Variants in ARAP2 observed in about 807,000 individuals in gnomAD.
ARAP2 encodes ArfGAP with RhoGAP domain, ankyrin repeat and PH domain 2, also known as arf-GAP with Rho-GAP domain, ANK repeat and PH domain-containing protein 2.
In ARAP2, 148 loss-of-function variants were observed where a neutral mutation model predicts 194.5. That is an observed-to-expected ratio of 0.76 (90% CI 0.67 to 0.87). The LOEUF (loss-of-function observed/expected upper bound fraction) is 0.87, where lower values mean the gene tolerates loss of function less well. Among genes scored for constraint, ARAP2 ranks in the 40% least tolerant of loss-of-function variants. The pLI, the probability that ARAP2 is intolerant of heterozygous loss-of-function variation, is 0.00. For synonymous variants in ARAP2, 695 were observed against 683.5 expected, an observed-to-expected ratio of 1.02 and a Z score of -0.26; for missense variants, 2,128 against 1,989.7, an observed-to-expected ratio of 1.07 and a Z score of -1.32.
intron 15 of ARAP2, among the ~76,000 whole-genome samples, chr4:36,151,764 A>C (rs975729428): frequency 1.3e-5 from 2 of 152,156 alleles, no homozygotes; most frequent in Non-Finnish European, 2.9e-5. Flanking sequence ...AAAGTGTGAG[A>C]TAAATATATA....
intron 2 of ARAP2, among the ~76,000 whole-genome samples, chr4:36,226,136 T>C (rs1278246472): frequency 6.6e-6 from 1 of 151,280 alleles, no homozygotes; most frequent in Non-Finnish European, 1.5e-5. Flanking sequence ...GGATAAGTAA[T>C]CTGGCCTAAA....
In ARAP2 at chr4:36,187,454, CT is replaced by C. The variant is rs1740829119; in HGVS notation, c.1674del (p.Glu559LysfsTer12). On this transcript the variant is annotated frameshift_variant, in exon 8 of 33. Transcript: ENST00000303965. LOFTEE classifies it high-confidence loss of function. ...TQRTFVFRVE[K>X]EEERNDWISI... Reference sequence around the variant, plus strand: ...ATGGATAAATAAATAATCTCACCTTCTTTTTCTACTCTAAAAACAAAAGTTC... The same window carrying C: ...ATGGATAAATAAATAATCTCACCTTCTTTTCTACTCTAAAAACAAAAGTTC... 1.4e-6 allele frequency: 2 copies of C among 1,405,228 alleles called. No individual in the cohort carries two copies. The highest frequency in any genetic ancestry group is 2.4e-5 in the East Asian group (1 of 41,458). 87.0% of individuals were successfully genotyped at this position (1,405,228 alleles called of 1,614,324 possible).
At position 36,228,675 on chromosome 4, in the gene ARAP2, C is replaced by T. The variant is rs149905804; in HGVS notation, c.812G>A (p.Arg271His). 17 of 1,613,996 alleles carry T rather than the reference C, an allele frequency of 1.1e-5. No homozygotes were observed. Among genetic ancestry groups the T allele is most frequent in the African/African-American group, 4.0e-5 (3 of 75,022 alleles). The change falls in exon 2 of 33, where the codon CGT becomes CAT. Residue 271 changes from arginine (R) to histidine (H), a missense_variant. Transcript: ENST00000303965. ...SSPILAPVRS[R>H]SKLVSRPSRS... Reference sequence around the variant, plus strand: ...AGATGGTCTTGAAACCAACTTGCTACGACTTCTCACAGGTGCTAGGATTGG... The same window carrying T: ...AGATGGTCTTGAAACCAACTTGCTATGACTTCTCACAGGTGCTAGGATTGG...
At chr4:36,206,021 A>G (rs1745458892) in intron 6 of ARAP2, among the ~76,000 whole-genome samples, 2 of 152,226 alleles carry the variant, frequency 1.3e-5, no homozygotes, top group Admixed American at 1.3e-4. Flanking sequence ...TGACTGACAT[A>G]TAACACCCTA....
rs1361625288 is a variant in ARAP2 at position 36,068,254 on chromosome 4, G to C, written c.4768C>G (p.Leu1590Val). 2 of 1,566,580 alleles carry C rather than the reference G, an allele frequency of 1.3e-6. No homozygotes were observed. The highest frequency in any genetic ancestry group is 1.7e-6 in the Non-Finnish European group (2 of 1,158,614). The change falls in exon 33 of 33, where the codon CTG becomes GTG. Residue 1590 changes from leucine (L) to valine (V), a missense_variant. Physicochemically the swap from Leu to Val is conservative, Grantham distance 32. Transcript: ENST00000303965. ...TTATCACACTTTTCACTGAGCCGCA[G>C]CCTTTCAAGTTCTGCTCTTGCACTC... Reference protein sequence around the residue: ...IESARAELERLRLSEKCDKES... With the variant: ...IESARAELERVRLSEKCDKES...
intron 9 of ARAP2, among the ~76,000 whole-genome samples, chr4:36,010,316 A>C (rs1318753381): frequency 2.6e-5 from 4 of 152,028 alleles, no homozygotes. Context: ...AAATCATTGA[A>C]AAGAAATAAA....
At chr4:36,177,605 A>G (rs1391368363) in intron 9 of ARAP2, among the ~76,000 whole-genome samples, 1 of 152,122 alleles carries the variant, frequency 6.6e-6, no homozygotes, top group Non-Finnish European at 1.5e-5. Context: ...CCTCAATACC[A>G]CAAAAGGTGA....
intron 31 of ARAP2, among the ~76,000 whole-genome samples, chr4:36,074,888 T>C (rs566077909): frequency 1.3e-5 from 2 of 152,254 alleles, no homozygotes; most frequent in African/African-American, 4.8e-5. Context: ...AAGCTGTATG[T>C]TTATCAATGT....
intron 4 of ARAP2, among the ~76,000 whole-genome samples, chr4:36,046,503 G>C (rs1344678133): frequency 2.5e-4 from 38 of 152,052 alleles, no homozygotes; most frequent in Non-Finnish European, 4.4e-5. Context: ...GGTGCAGTGA[G>C]CCACTGCACC....
chr4:36,060,957 A>AT, intron 1 of ARAP2, among the ~76,000 whole-genome samples: 1 of 152,154 alleles, frequency 6.6e-6, no homozygotes, highest in East Asian at 1.9e-4. Context: ...TCAACATATG[A>AT]TTTTTGGGAG....
chr4:36,235,986 G>T (rs556993359), intron 1 of ARAP2, among the ~76,000 whole-genome samples: 30 of 152,060 alleles, frequency 2.0e-4, no homozygotes, highest in Non-Finnish European at 3.5e-4. Flanking sequence ...AGAACAGCCT[G>T]GGTGACATGG....
chr4:36,038,471 C>G (rs1426960512), intron 5 of ARAP2, among the ~76,000 whole-genome samples: 2 of 152,122 alleles, frequency 1.3e-5, no homozygotes, highest in African/African-American at 4.8e-5. Context: ...TCAAAAGACC[C>G]TGACAATATG....
Position 36,068,176 on chromosome 4 carries a change from G to C in ARAP2, c.4846C>G (p.Leu1616Val), listed in dbSNP as rs995847120. Reference protein sequence around the residue: ...KERASMVAHCLEHKDDKLRNR... With the variant: ...KERASMVAHCVEHKDDKLRNR... ...CGAAGTTTATCGTCCTTGTGCTCCAGGCAGTGGGCCACCATGGAAGCTCTC... is the reference window on the plus strand; with the variant it reads ...CGAAGTTTATCGTCCTTGTGCTCCACGCAGTGGGCCACCATGGAAGCTCTC... The change falls in exon 33 of 33, where the codon CTG becomes GTG. Residue 1616 changes from leucine (L) to valine (V), a missense_variant. By Grantham distance (32) the Leu-to-Val change is conservative. Coordinates refer to ENST00000303965, the MANE Select transcript of ARAP2 (RefSeq NM_015230.4). 2.5e-6 allele frequency: 4 copies of C among 1,613,804 alleles called. No homozygotes were observed. The Admixed American group carries it at 5.0e-5, about 20-fold the overall frequency.
In ARAP2 at chr4:36,119,727, A is replaced by G; in HGVS notation, c.3895-9T>C. Reference sequence around the variant, plus strand: ...ACTTGATCTTCTTTAACCTGTTTAAAATATAATTCGGGACATTCTAATAAT... The same window carrying G: ...ACTTGATCTTCTTTAACCTGTTTAAGATATAATTCGGGACATTCTAATAAT... On this transcript the variant is annotated splice_polypyrimidine_tract_variant and intron_variant, in intron 23 of 32. Coordinates refer to ENST00000303965, the MANE Select transcript of ARAP2 (RefSeq NM_015230.4). 6.4e-7 allele frequency: 1 copy of G among 1,573,276 alleles called. No individual in the cohort carries two copies. The highest frequency in any genetic ancestry group is 1.1e-5 in the South Asian group (1 of 88,958).
At chr4:36,071,790 G>A (rs902649175) in intron 32 of ARAP2, among the ~76,000 whole-genome samples, 11 of 149,894 alleles carry the variant, frequency 7.3e-5, no homozygotes, top group African/African-American at 1.7e-4. Flanking sequence ...ATGCTGGTGC[G>A]CTGCACCCAC....
chr4:36,130,396 C>T (rs1380134458), intron 20 of ARAP2, among the ~76,000 whole-genome samples: 1 of 151,836 alleles, frequency 6.6e-6, no homozygotes, highest in Admixed American at 6.6e-5. Flanking sequence ...TAAGCTCTGG[C>T]CACATTTAAT....
rs548212048 is a variant in ARAP2, at chr4:36,240,344, C to A, written c.-160+3835G>T. ...TAAATTATCACTGTAAATCATTCTT[C>A]TAATAAACCCACAATGCACCTAACA... On this transcript the variant is annotated intron_variant, in intron 1 of 32. Transcript: ENST00000303965. Among the ~76,000 whole-genome samples the A allele has an allele frequency of 2.6e-5, 4 of 152,272 alleles. No individual in the cohort carries two copies. In the East Asian group the frequency reaches 5.8e-4, roughly 22 times the overall value.
intron 2 of ARAP2, among the ~76,000 whole-genome samples, chr4:36,052,416 G>A (rs952957581): frequency 6.6e-6 from 1 of 152,184 alleles, no homozygotes; most frequent in Non-Finnish European, 1.5e-5. Flanking sequence ...CTAAAGCAAC[G>A]CATGCAGGAA....
chr4:36,042,771 A>T (rs1217053754), intron 5 of ARAP2, among the ~76,000 whole-genome samples: 1 of 152,136 alleles, frequency 6.6e-6, no homozygotes, highest in Non-Finnish European at 1.5e-5. Flanking sequence ...CCTCTGGTCC[A>T]GAGTTCATTG....
Sources: allele counts gnomAD v4.1 joint callset (sites outside exome capture counted in the v4.1 genomes callset), GRCh38; gene constraint gnomAD v4.1.1; transcripts MANE v1.5; gene names NCBI Gene and HGNC (gene_info 2026-07-23, HGNC 2026-07-21).